S100A10: variants seen among roughly 807,000 people sequenced by gnomAD.
S100A10 encodes protein S100-A10.
S100A10 carries 3 observed loss-of-function variants against 7.1 expected under a neutral mutation model. The observed-to-expected ratio is 0.42, with a 90% CI of 0.19 to 1.10. S100A10 has a LOEUF of 1.10. Among genes scored for constraint, S100A10 ranks in the 50% least tolerant of loss-of-function variants. The pLI, the probability that S100A10 is intolerant of heterozygous loss-of-function variation, is 0.29. For synonymous variants in S100A10, 41 were observed against 39.3 expected (o/e 1.04, Z -0.16); for missense variants, 101 against 118.1 (o/e 0.86, Z 0.67).
intron 2 of S100A10, 108 bp from the exon 3 acceptor site, chr1:151,983,432 G>T: frequency 1.6e-6 from 1 of 617,530 alleles, no homozygotes; most frequent in Non-Finnish European, 2.4e-6. Flanking sequence ...AATTACTTGA[G>T]CTCTTGTTTT....
At position 151,983,271 on chromosome 1, in the gene S100A10, A is replaced by G. The variant is rs146684690; in HGVS notation, c.186T>C (p.Cys62=). The change falls in exon 3 of 3, where the codon TGT becomes TGC. Residue 62 remains cysteine, a synonymous_variant. Transcript: ENST00000368811. ...VDKIMKDLDQ[C]RDGKVGFQSF... is the part of the protein sequence containing the mutation. ...TCTGGAAGCCCACTTTGCCATCTCT[A>G]CACTGGTCCAGGTCCTTCATTATTT... 1.1e-3 allele frequency: 1,836 copies of G among 1,605,734 alleles called. 21 individuals carry two copies. The East Asian group carries it at 0.012, about 10-fold the overall frequency.
In S100A10 at chr1:151,986,178, T is replaced by A; in HGVS notation, c.53A>T (p.Lys18Ile). The change falls in exon 2 of 3, where the codon AAA becomes ATA. Residue 18 changes from lysine (K) to isoleucine (I), a missense_variant. Physicochemically the swap from Lys to Ile is moderately radical, Grantham distance 102. Coordinates refer to ENST00000368811, the MANE Select transcript of S100A10 (RefSeq NM_002966.3). ...AMETMMFTFH[K>I]FAGDKGYLTK... ...TAAGTAGCCTTTATCCCCAGCGAAT[T>A]TGTGAAATGTAAACATCATGGTTTC... is the stretch of plus-strand genomic sequence containing the variant. The A allele has an allele frequency of 6.2e-7, 1 of 1,610,538 alleles. No individual in the cohort carries two copies. Among genetic ancestry groups the A allele is most frequent in the Non-Finnish European group, 8.5e-7 (1 of 1,178,968 alleles).
intron 1 of S100A10, among the ~76,000 whole-genome samples, chr1:151,991,069 G>A (rs530652698): frequency 9.9e-5 from 15 of 152,200 alleles, no homozygotes; most frequent in Non-Finnish European, 2.1e-4. Flanking sequence ...TTGCTCCTCT[G>A]TGTCTTGTCC....
intron 1 of S100A10, among the ~76,000 whole-genome samples, chr1:151,988,108 A>T (rs1429238501): frequency 6.6e-6 from 1 of 152,226 alleles, no homozygotes; most frequent in Non-Finnish European, 1.5e-5. Flanking sequence ...GAAAGGAAAC[A>T]TGTCAGATCA....
At chr1:151,986,572 A>C (rs369908030) in intron 1 of S100A10, among the ~76,000 whole-genome samples, 2 of 152,202 alleles carry the variant, frequency 1.3e-5, no homozygotes, top group Admixed American at 6.5e-5. Flanking sequence ...TGAAATTTTC[A>C]ATCTTTTGAC....
Position 151,982,988 on chromosome 1 carries a change from G to A in S100A10, c.*175C>T. ...CAATACAAAAATCAAAAGCTTATCTGGTATTTAACTTTTCTTTCTCTGCTT... is the reference window on the plus strand; with the variant it reads ...CAATACAAAAATCAAAAGCTTATCTAGTATTTAACTTTTCTTTCTCTGCTT... On this transcript the variant is annotated 3_prime_UTR_variant, in exon 3 of 3. Transcript: ENST00000368811. The A allele has an allele frequency of 2.1e-6, 1 of 467,364 alleles. No homozygotes were observed. 29.0% of individuals were successfully genotyped at this position (467,364 alleles called of 1,614,324 possible).
intron 1 of S100A10, among the ~76,000 whole-genome samples, chr1:151,990,894 TTGATA>T (rs1655891441): frequency 6.6e-6 from 1 of 152,178 alleles, no homozygotes; most frequent in Non-Finnish European, 1.5e-5. Context: ...TGTTAAGAAA[TTGATA>T]ATGATGTATT....
chr1:151,989,666 T>C lies in S100A10; in HGVS notation c.-21-3415A>G, dbSNP rs181348158. ...GTAACTCTTGTCTGAGTGCAGCCAA[T>C]GGTTGCCCAACTGAGTCAGCCCTGC... On this transcript the variant is annotated intron_variant, in intron 1 of 2. Transcript: ENST00000368811. Among the ~76,000 whole-genome samples the C allele has an allele frequency of 1.3e-3, 201 of 152,360 alleles. 4 individuals carry two copies. In the East Asian group the frequency reaches 0.027, roughly 20 times the overall value.
chr1:151,990,864 A>T (rs1219706510), intron 1 of S100A10, among the ~76,000 whole-genome samples: 1 of 152,252 alleles, frequency 6.6e-6, no homozygotes, highest in Non-Finnish European at 1.5e-5. Context: ...CCCAGCCCTC[A>T]TAGAGCCTGC....
chr1:151,991,412 A>G (rs754061742), intron 1 of S100A10, among the ~76,000 whole-genome samples: 23 of 152,154 alleles, frequency 1.5e-4, no homozygotes, highest in Non-Finnish European at 2.8e-4. Flanking sequence ...AATCTAACCA[A>G]CTACATCAAT....
chr1:151,991,636 G>A (rs1231770028), intron 1 of S100A10, among the ~76,000 whole-genome samples: 3 of 152,242 alleles, frequency 2.0e-5, no homozygotes, highest in African/African-American at 7.2e-5. Flanking sequence ...AGAAACTTAA[G>A]ATGTTAAAAT....
intron 2 of S100A10, 27 bp downstream of exon 2, chr1:151,986,072 G>T: frequency 6.4e-7 from 1 of 1,565,104 alleles, no homozygotes; most frequent in Non-Finnish European, 8.6e-7. Flanking sequence ...TTTATGTCTG[G>T]TTCTTTGTAA....
At position 151,986,114 on chromosome 1, in the gene S100A10, G is replaced by C. The variant is rs1162456162; in HGVS notation, c.117C>G (p.Phe39Leu). The C allele has an allele frequency of 1.3e-6, 2 of 1,593,436 alleles. No individual in the cohort carries two copies. Among genetic ancestry groups the C allele is most frequent in the African/African-American group, 2.7e-5 (2 of 73,256 alleles). Residue 39 changes from phenylalanine to leucine, a missense_variant, in exon 2 of 3, where the codon TTC becomes TTG. By Grantham distance (22) the Phe-to-Leu change is conservative. Transcript: ENST00000368811. ...CAACACTTACTTCCAAAAATCCAGG[G>C]AACTCCTTTTCCATGAGTACTCTCA... is the stretch of plus-strand genomic sequence containing the variant. Reference protein sequence around the residue: ...EDLRVLMEKEFPGFLENQKDP... With the variant: ...EDLRVLMEKELPGFLENQKDP...
chr1:151,989,857 T>TA (rs1655869862), intron 1 of S100A10, among the ~76,000 whole-genome samples: 1 of 152,226 alleles, frequency 6.6e-6, no homozygotes. Flanking sequence ...GCATCCTGGT[T>TA]AGACACATTT....
chr1:151,992,211 G>GA (rs1330939240), intron 1 of S100A10, among the ~76,000 whole-genome samples: 9 of 152,182 alleles, frequency 5.9e-5, no homozygotes, highest in African/African-American at 2.2e-4. Context: ...GCAATTTGCT[G>GA]AAACATGTTG....
chr1:151,989,986 T>C (rs1046923857), intron 1 of S100A10, among the ~76,000 whole-genome samples: 10 of 152,260 alleles, frequency 6.6e-5, no homozygotes, highest in African/African-American at 2.2e-4. Context: ...CTGCCTGAGA[T>C]TTAAGCTTCT....
At chr1:151,984,675 C>CA (rs1557772288) in intron 2 of S100A10, among the ~76,000 whole-genome samples, 1 of 152,230 alleles carries the variant, frequency 6.6e-6, no homozygotes, top group African/African-American at 2.4e-5. Context: ...ACACTCTTAA[C>CA]AAGTGTTTAG....
chr1:151,984,103 T>G (rs1655746888), intron 2 of S100A10: 1 of 152,186 alleles, frequency 6.6e-6, no homozygotes, highest in Non-Finnish European at 1.5e-5. Context: ...GCACTCCTTT[T>G]TGTAGTGATG....
At chr1:151,989,271 G>A (rs545152648) in intron 1 of S100A10, among the ~76,000 whole-genome samples, 7 of 152,202 alleles carry the variant, frequency 4.6e-5, no homozygotes, top group African/African-American at 7.2e-5. Context: ...CAGCCATTAC[G>A]AAGTGACGGA....
Sources: allele counts gnomAD v4.1 joint callset (sites outside exome capture counted in the v4.1 genomes callset), GRCh38; gene constraint gnomAD v4.1.1; transcripts MANE v1.5; gene names NCBI Gene and HGNC (gene_info 2026-07-23, HGNC 2026-07-21).